The following TMTC2 variants were observed in gnomAD, a reference collection of about 807,000 sequenced individuals.
TMTC2 encodes protein O-mannosyl-transferase TMTC2.
Under a neutral mutation model 82.4 loss-of-function variants are expected in TMTC2, and 43 were observed. That is an observed-to-expected ratio of 0.52 (90% CI 0.41 to 0.67). The LOEUF (loss-of-function observed/expected upper bound fraction) is 0.67, where lower values mean the gene tolerates loss of function less well. TMTC2 is among the 30% of genes least tolerant of loss of function. The pLI is 0.00. For synonymous variants in TMTC2, 408 were observed against 381.9 expected, an observed-to-expected ratio of 1.07 and a Z score of -0.80; for missense variants, 919 against 1,012.4, an observed-to-expected ratio of 0.91 and a Z score of 1.25.
chr12:83,114,956 GA>G (rs935869919), intron 11 of TMTC2, among the ~76,000 whole-genome samples: 1 of 151,712 alleles, frequency 6.6e-6, no homozygotes, highest in Non-Finnish European at 1.5e-5. Flanking sequence ...ATGTCTAGGG[GA>G]AAAAATGAGT....
chr12:82,753,571 C>A (rs1876135583), intron 1 of TMTC2, among the ~76,000 whole-genome samples: 1 of 152,078 alleles, frequency 6.6e-6, no homozygotes, highest in South Asian at 2.1e-4. Context: ...GACAGTTATT[C>A]ACTTCTGTTT....
At chr12:83,017,255 CT>C (rs1880718272) in intron 8 of TMTC2, among the ~76,000 whole-genome samples, 1 of 152,146 alleles carries the variant, frequency 6.6e-6, no homozygotes, top group African/African-American at 2.4e-5. Context: ...CATCATTTGA[CT>C]CATCTAATTG....
intron 2 of TMTC2, among the ~76,000 whole-genome samples, chr12:82,876,020 A>AGTGGTGGCGGTGGTG (rs1565788529): frequency 9.3e-5 from 7 of 75,634 alleles, no homozygotes; most frequent in South Asian, 5.2e-4. Context: ...TAATGGTAGT[A>AGTGGTGGCGGTGGTG]GTGGTGGCGG....
chr12:82,989,708 T>C (rs766552589), intron 8 of TMTC2, among the ~76,000 whole-genome samples: 7 of 151,540 alleles, frequency 4.6e-5, no homozygotes, highest in Non-Finnish European at 7.4e-5. Flanking sequence ...AGGCTTCCTG[T>C]ACCAAAAATA....
intron 1 of TMTC2, among the ~76,000 whole-genome samples, chr12:82,754,705 C>T (rs1249716500): frequency 1.3e-5 from 2 of 151,584 alleles, no homozygotes; most frequent in African/African-American, 2.4e-5. Flanking sequence ...TCACTACCCT[C>T]CAGCCTGGGG....
At chr12:82,847,727 T>C (rs1027595249) in intron 1 of TMTC2, among the ~76,000 whole-genome samples, 5 of 151,706 alleles carry the variant, frequency 3.3e-5, no homozygotes, top group African/African-American at 9.7e-5. Flanking sequence ...TTCTTACTCA[T>C]AGGTGGGAAT....
intron 1 of TMTC2, 139 bp downstream of exon 1, chr12:82,687,808 T>A: frequency 1.2e-6 from 1 of 806,844 alleles, no homozygotes; most frequent in Non-Finnish European, 1.9e-6. Flanking sequence ...ACGTAAACAT[T>A]AACACCTAAA....
intron 1 of TMTC2, among the ~76,000 whole-genome samples, chr12:82,688,309 C>T (rs1215756225): frequency 6.6e-6 from 1 of 152,162 alleles, no homozygotes. Context: ...TTTCTCATTT[C>T]TGTTTGGGAG....
chr12:83,043,489 C>T (rs147768310), intron 9 of TMTC2, among the ~76,000 whole-genome samples: 71 of 152,262 alleles, frequency 4.7e-4, no homozygotes, highest in African/African-American at 1.3e-3. Flanking sequence ...TGAAAAAGTC[C>T]GCAGGTACAG....
intron 2 of TMTC2, among the ~76,000 whole-genome samples, chr12:82,865,325 G>A (rs1871790362): frequency 6.6e-6 from 1 of 152,120 alleles, no homozygotes; most frequent in Admixed American, 6.5e-5. Flanking sequence ...GATCTACCAA[G>A]CAAATGGAAA....
chr12:82,698,099 G>T (rs1162063901), intron 1 of TMTC2, among the ~76,000 whole-genome samples: 1 of 152,132 alleles, frequency 6.6e-6, no homozygotes, highest in Non-Finnish European at 1.5e-5. Flanking sequence ...TAGCTTTAAG[G>T]CACCTTGGGG....
intron 1 of TMTC2, among the ~76,000 whole-genome samples, chr12:82,720,633 G>A (rs1453198762): frequency 6.6e-6 from 1 of 152,140 alleles, no homozygotes; most frequent in South Asian, 2.1e-4. Context: ...ATCATTATCT[G>A]TTTAATCATT....
intron 1 of TMTC2, among the ~76,000 whole-genome samples, chr12:82,814,101 A>G (rs1184099225): frequency 6.6e-6 from 1 of 152,134 alleles, no homozygotes; most frequent in Non-Finnish European, 1.5e-5. Flanking sequence ...ATTGAGATGA[A>G]GGTACTTGCT....
intron 8 of TMTC2, among the ~76,000 whole-genome samples, chr12:82,999,369 A>AGC (rs1879813944): frequency 6.6e-6 from 1 of 152,222 alleles, no homozygotes; most frequent in African/African-American, 2.4e-5. Context: ...GATATCTATT[A>AGC]GCGATGTGAC....
intron 1 of TMTC2, among the ~76,000 whole-genome samples, chr12:82,797,210 T>C (rs550928507): frequency 6.6e-6 from 1 of 152,204 alleles, no homozygotes; most frequent in Non-Finnish European, 1.5e-5. Context: ...TTTTTATTTA[T>C]ACCACTGGAA....
chr12:83,115,741 A>G (rs1033023565), intron 11 of TMTC2, among the ~76,000 whole-genome samples: 20 of 151,954 alleles, frequency 1.3e-4, no homozygotes, highest in Non-Finnish European at 2.8e-4. Context: ...TACTGGTGCA[A>G]CCATCACCCG....
chr12:82,722,224 C>T (rs1414044645), intron 1 of TMTC2, among the ~76,000 whole-genome samples: 1 of 151,968 alleles, frequency 6.6e-6, no homozygotes, highest in Non-Finnish European at 1.5e-5. Flanking sequence ...TCTTACTTGC[C>T]TTTCTTTTCC....
At chr12:82,994,009 G>A (rs935857630) in intron 8 of TMTC2, among the ~76,000 whole-genome samples, 16 of 152,136 alleles carry the variant, frequency 1.1e-4, no homozygotes, top group Admixed American at 7.9e-4. Flanking sequence ...CAGCGTGCAT[G>A]TAACAGGGTG....
chr12:82,995,673 TTAAA>T (rs1879586169), intron 8 of TMTC2, among the ~76,000 whole-genome samples: 1 of 152,214 alleles, frequency 6.6e-6, no homozygotes, highest in South Asian at 2.1e-4. Context: ...CCTTGATATA[TTAAA>T]TAAATCCTCA....
Sources: gnomAD v4.1 joint callset for allele counts (sites outside exome capture counted in the v4.1 genomes callset) on GRCh38, gnomAD v4.1.1 for gene constraint, MANE v1.5 for transcripts, NCBI Gene and HGNC (gene_info 2026-07-23, HGNC 2026-07-21) for gene names.